Variants in KCNMA1 observed in about 807,000 individuals in gnomAD.
KCNMA1 encodes the protein potassium calcium-activated channel subfamily M alpha 1.
Under a neutral mutation model 140.0 loss-of-function variants are expected in KCNMA1, and 29 were observed. The ratio of observed to expected loss-of-function variants is 0.21; its 90% CI spans 0.15 to 0.28. The LOEUF (loss-of-function observed/expected upper bound fraction) is 0.28. KCNMA1 is among the 10% of genes least tolerant of loss of function. KCNMA1 has a pLI of 1.00. For synonymous variants in KCNMA1, 612 were observed against 611.9 expected (o/e 1.00, Z 0.00); for missense variants, 880 against 1,602.2 (o/e 0.55, Z 7.70).
chr10:77,068,599 A>C (rs1301523658), intron 14 of KCNMA1, among the ~76,000 whole-genome samples: 1 of 152,076 alleles, frequency 6.6e-6, no homozygotes, highest in Admixed American at 6.5e-5. Flanking sequence ...CATAGGGAAA[A>C]AAAAACAACA....
At chr10:77,472,091 C>T (rs1007528946) in intron 1 of KCNMA1, among the ~76,000 whole-genome samples, 2 of 151,238 alleles carry the variant, frequency 1.3e-5, no homozygotes, top group African/African-American at 4.9e-5. Context: ...ACCACACACA[C>T]ACACCACATA....
chr10:77,597,827 G>T (rs1167148492), intron 1 of KCNMA1, among the ~76,000 whole-genome samples: 1 of 152,158 alleles, frequency 6.6e-6, no homozygotes, highest in Non-Finnish European at 1.5e-5. Flanking sequence ...TTTGGTCTCT[G>T]TGCAAAACTG....
At chr10:77,069,939 TTGAGTAGCTGGGACTACAG>T (rs1490320664) in intron 14 of KCNMA1, among the ~76,000 whole-genome samples, 1 of 152,110 alleles carries the variant, frequency 6.6e-6, no homozygotes, top group Non-Finnish European at 1.5e-5. Flanking sequence ...CTTCAGCTTC[TTGAGTAGCTGGGACTACAG>T]GCATGCGCCA....
intron 1 of KCNMA1, among the ~76,000 whole-genome samples, chr10:77,411,341 G>A (rs1204771530): frequency 6.6e-6 from 1 of 152,146 alleles, no homozygotes. Context: ...TACAGCAAAT[G>A]GAAAGTCAGT....
At chr10:77,189,640 G>A (rs1269297145) in intron 3 of KCNMA1, among the ~76,000 whole-genome samples, 2 of 152,128 alleles carry the variant, frequency 1.3e-5, no homozygotes, top group African/African-American at 4.8e-5. Flanking sequence ...TACTAGGGAC[G>A]GGACTGGCTG....
chr10:77,102,916 G>A (rs557373026), intron 9 of KCNMA1, among the ~76,000 whole-genome samples: 8 of 152,220 alleles, frequency 5.3e-5, no homozygotes, highest in East Asian at 1.9e-4. Flanking sequence ...GACAGGTTCC[G>A]AGGGTAGTTT....
chr10:77,538,558 G>A (rs993727148), intron 1 of KCNMA1, among the ~76,000 whole-genome samples: 1 of 152,136 alleles, frequency 6.6e-6, no homozygotes. Context: ...CCTTGGCAAG[G>A]TCACCTCTCT....
intron 1 of KCNMA1, among the ~76,000 whole-genome samples, chr10:77,452,549 A>G (rs1215378794): frequency 6.6e-6 from 1 of 152,222 alleles, no homozygotes; most frequent in Non-Finnish European, 1.5e-5. Context: ...TAAATGCGCA[A>G]AAAAAGTCCT....
rs138492348 is a variant in KCNMA1, at chr10:77,301,736, T to G, written c.541-50480A>C. ...GGGTAAGCATACATTTCCACATGTA[T>G]GCAGATAGAAAAATATCTGATTGGG... is the stretch of plus-strand genomic sequence containing the variant. On this transcript the variant is annotated intron_variant, in intron 2 of 27. Transcript: ENST00000286628. Among the ~76,000 whole-genome samples the G allele has an allele frequency of 2.8e-3, 420 of 151,740 alleles. 2 individuals are homozygous for G. The highest frequency in any genetic ancestry group is 9.6e-3 in the African/African-American group (395 of 41,316).
intron 1 of KCNMA1, among the ~76,000 whole-genome samples, chr10:77,483,030 ACACACACACACC>A (rs925156556): frequency 6.5e-5 from 6 of 91,746 alleles, no homozygotes; most frequent in Non-Finnish European, 9.3e-5. Context: ...ACACACACAC[ACACACACACACC>A]CCTTGTTCTT....
At chr10:76,901,591 C>T (rs1431647243) in intron 25 of KCNMA1, 3 of 152,188 alleles carry the variant, frequency 2.0e-5, no homozygotes, top group Admixed American at 1.3e-4. Flanking sequence ...ACCTACTAAT[C>T]GTTGGGCCTT....
chr10:77,055,047 C>T (rs1049359394), intron 14 of KCNMA1, among the ~76,000 whole-genome samples: 1 of 152,228 alleles, frequency 6.6e-6, no homozygotes, highest in Non-Finnish European at 1.5e-5. Context: ...GACTTAAAGG[C>T]AATATTCTCC....
rs541875323 is a variant in KCNMA1, at chr10:77,086,858, C to T, written c.1335-265G>A. ...GACCTCAGGACAAATGTCTTCTCTT[C>T]GGTATGAATGGAATTCCTATCTTAT... On this transcript the variant is annotated intron_variant, in intron 10 of 27. Transcript: ENST00000286628. Among the ~76,000 whole-genome samples the T allele has an allele frequency of 9.8e-5, 15 of 152,330 alleles. No individual in the cohort carries two copies. The East Asian group carries it at 2.5e-3, about 25-fold the overall frequency.
chr10:76,896,506 A>C (rs1039439141), intron 25 of KCNMA1, among the ~76,000 whole-genome samples: 1 of 152,190 alleles, frequency 6.6e-6, no homozygotes, highest in Non-Finnish European at 1.5e-5. Context: ...CAGCTTACAA[A>C]GATGATGGGA....
chr10:77,572,570 A>ATC (rs2071923373), intron 1 of KCNMA1, among the ~76,000 whole-genome samples: 2 of 6,758 alleles, frequency 3.0e-4, no homozygotes, highest in African/African-American at 1.6e-3. Flanking sequence ...AAAAAAATCC[A>ATC]TATATATATA....
At chr10:76,887,594 G>A in intron 27 of KCNMA1, 79 bp from the exon 28 acceptor site, 1 of 1,533,022 alleles carries the variant, frequency 6.5e-7, no homozygotes, top group South Asian at 1.1e-5. Context: ...CAAAAGCAAT[G>A]GCCTGGTTAC....
At chr10:76,973,795 G>A (rs7898951) in intron 19 of KCNMA1, among the ~76,000 whole-genome samples, 1,670 of 151,904 alleles carry the variant, frequency 0.011, 31 homozygotes, top group African/African-American at 0.038. Flanking sequence ...TTTATCAGCC[G>A]CGCCAGACTG....
chr10:76,891,458 C>A, intron 26 of KCNMA1, 67 bp downstream of exon 26: 1 of 1,259,434 alleles, frequency 7.9e-7, no homozygotes. Context: ...ACATCTGATA[C>A]CACGTTCTTC....
chr10:77,067,220 C>A (rs908164068), intron 14 of KCNMA1, among the ~76,000 whole-genome samples: 2 of 152,142 alleles, frequency 1.3e-5, no homozygotes, highest in Non-Finnish European at 2.9e-5. Context: ...CTTCATCTAA[C>A]CCACTGAAGG....
Sources: gnomAD v4.1 joint callset for allele counts (sites outside exome capture counted in the v4.1 genomes callset) on GRCh38, gnomAD v4.1.1 for gene constraint, MANE v1.5 for transcripts, NCBI Gene and HGNC (gene_info 2026-07-23, HGNC 2026-07-21) for gene names.